Variants in IMPG2 observed in about 807,000 individuals in gnomAD.
IMPG2 encodes the protein interphotoreceptor matrix proteoglycan 2.
In IMPG2, 91 loss-of-function variants were observed where a neutral mutation model predicts 129.2. That is an observed-to-expected ratio of 0.70 (90% CI 0.59 to 0.84). The LOEUF is 0.84. Among genes scored for constraint, IMPG2 ranks in the 40% least tolerant of loss-of-function variants. The pLI, the probability that IMPG2 is intolerant of heterozygous loss-of-function variation, is 0.00. For synonymous variants in IMPG2, 510 were observed against 517.7 expected, an observed-to-expected ratio of 0.99 and a Z score of 0.20; for missense variants, 1,430 against 1,461.7, an observed-to-expected ratio of 0.98 and a Z score of 0.35.
intron 2 of IMPG2, among the ~76,000 whole-genome samples, chr3:101,312,401 T>A (rs536409355): frequency 2.4e-4 from 36 of 152,054 alleles, no homozygotes; most frequent in Non-Finnish European, 4.6e-4. Flanking sequence ...ATACAAATGA[T>A]AAATAAGCAT....
chr3:101,281,196 C>A (rs1488460004), intron 4 of IMPG2, among the ~76,000 whole-genome samples: 1 of 152,110 alleles, frequency 6.6e-6, no homozygotes, highest in Non-Finnish European at 1.5e-5. Flanking sequence ...GGGATGTAAC[C>A]GTAAAACCAG....
At chr3:101,288,122 A>G (rs1470178577) in intron 4 of IMPG2, among the ~76,000 whole-genome samples, 2 of 152,210 alleles carry the variant, frequency 1.3e-5, no homozygotes, top group African/African-American at 4.8e-5. Flanking sequence ...TGAGGTCAAT[A>G]TATGAAAAAA....
intron 4 of IMPG2, among the ~76,000 whole-genome samples, chr3:101,284,880 A>G (rs1331984477): frequency 1.3e-5 from 2 of 151,908 alleles, no homozygotes; most frequent in African/African-American, 4.8e-5. Context: ...ACAAAACTGT[A>G]AAAAAAATAG....
intron 3 of IMPG2, among the ~76,000 whole-genome samples, chr3:101,294,552 T>C (rs989869790): frequency 6.6e-6 from 1 of 152,248 alleles, no homozygotes; most frequent in African/African-American, 2.4e-5. Context: ...GCAATAAACA[T>C]ACATGTGCAT....
chr3:101,304,044 G>T, intron 3 of IMPG2, 102 bp downstream of exon 3: 2 of 1,223,468 alleles, frequency 1.6e-6, no homozygotes, highest in Non-Finnish European at 2.4e-6. Flanking sequence ...CAACAAAAGA[G>T]TAATACAGGC....
At chr3:101,237,762 G>A (rs1395983193) in intron 14 of IMPG2, among the ~76,000 whole-genome samples, 1 of 152,046 alleles carries the variant, frequency 6.6e-6, no homozygotes, top group African/African-American at 2.4e-5. Context: ...TGAAGATGAG[G>A]AAAAACCAGC....
In IMPG2 at chr3:101,232,923, T is replaced by G; in HGVS notation, c.3091A>C (p.Ser1031Arg). Residue 1031 changes from serine to arginine, a missense_variant, in exon 15 of 19, where the codon AGT becomes CGT. By Grantham distance (110) the Ser-to-Arg change is moderately radical. Transcript: ENST00000193391. ...AAGCATCTGCACTTTGCTTCTCCAC[T>G]CCAGGGGTTGACCAGACACTCTGAA... The part of the protein sequence containing the change: ...EFSECLVNPW[S>R]GEAKCRCFPG... 1.2e-6 allele frequency: 2 copies of G among 1,613,976 alleles called. No individual in the cohort carries two copies. Among genetic ancestry groups the G allele is most frequent in the Non-Finnish European group, 1.7e-6 (2 of 1,179,996 alleles).
At chr3:101,252,942 G>A (rs1313524729) in intron 11 of IMPG2, among the ~76,000 whole-genome samples, 1 of 152,178 alleles carries the variant, frequency 6.6e-6, no homozygotes, top group Admixed American at 6.6e-5. Flanking sequence ...GTTTGTATAT[G>A]ATAACAAAAG....
At chr3:101,286,330 CT>C (rs2107122272) in intron 4 of IMPG2, among the ~76,000 whole-genome samples, 1 of 152,144 alleles carries the variant, frequency 6.6e-6, no homozygotes, top group Non-Finnish European at 1.5e-5. Context: ...GAGTAAGAAG[CT>C]TTTTACAATA....
chr3:101,317,990 G>T (rs1212775606), intron 2 of IMPG2, among the ~76,000 whole-genome samples: 3 of 151,636 alleles, frequency 2.0e-5, no homozygotes, highest in Non-Finnish European at 4.4e-5. Context: ...AAAAAAACTA[G>T]CTGGGCATGG....
intron 4 of IMPG2, among the ~76,000 whole-genome samples, chr3:101,287,740 T>C (rs543461554): frequency 1.3e-3 from 191 of 152,190 alleles, no homozygotes; most frequent in African/African-American, 4.2e-3. Flanking sequence ...CAAAATTAAC[T>C]AAAAATTGAT....
At chr3:101,294,082 T>TATTTACTTTTAC (rs1284065730) in intron 3 of IMPG2, among the ~76,000 whole-genome samples, 3 of 152,208 alleles carry the variant, frequency 2.0e-5, no homozygotes, top group Admixed American at 2.0e-4. Flanking sequence ...TTTATTTATT[T>TATTTACTTTTAC]ATTTACTTTT....
chr3:101,269,608 A>G, intron 7 of IMPG2, 35 bp from the exon 8 acceptor site: 1 of 1,085,102 alleles, frequency 9.2e-7, no homozygotes, highest in Non-Finnish European at 1.4e-6. Context: ...ATAACTATGT[A>G]AAAATATGGA....
intron 9 of IMPG2, among the ~76,000 whole-genome samples, chr3:101,259,632 C>T (rs538587042): frequency 5.9e-5 from 9 of 151,334 alleles, no homozygotes; most frequent in Admixed American, 1.3e-4. Context: ...AAGGTATTTA[C>T]ATATCTAAAG....
In IMPG2 at chr3:101,253,748, A is replaced by G. The variant is rs773850021; in HGVS notation, c.1187T>C (p.Leu396Pro). The G allele has an allele frequency of 9.3e-6, 15 of 1,611,692 alleles. No homozygotes were observed. In the East Asian group the frequency reaches 3.3e-4, roughly 36 times the overall value. ...RGVLRHQTED[L>P]VWNTQSSSLQ... The stretch of plus-strand genomic sequence containing the variant: ...ACTTGAACTTTGGGTGTTCCAAACT[A>G]GATCTTCAGTTTGGTGACGCAAAAC... Residue 396 changes from leucine (L) to proline (P), a missense_variant, in exon 11 of 19, where the codon CTA (leucine) becomes CCA (proline). Transcript: ENST00000193391.
At position 101,224,050 on chromosome 3, in the gene IMPG2, C is replaced by G. The variant is rs1706194351; in HGVS notation, c.*2919G>C. 1 of 152,184 alleles carries G rather than the reference C, an allele frequency of 6.6e-6. No individual in the cohort carries two copies. Among genetic ancestry groups the G allele is most frequent in the South Asian group, 2.1e-4 (1 of 4,818 alleles). 9.4% of individuals were successfully genotyped at this position (152,184 alleles called of 1,614,324 possible). On this transcript the variant is annotated 3_prime_UTR_variant, in exon 19 of 19. Transcript: ENST00000193391. ...ACCCCAGCTACTCAGGAAGCTGAAG[C>G]ACGAGAATCGCTTGAACCCAGGAGG...
chr3:101,271,584 G>A (rs533366933), intron 7 of IMPG2, among the ~76,000 whole-genome samples: 1 of 152,222 alleles, frequency 6.6e-6, no homozygotes, highest in South Asian at 2.1e-4. Context: ...ACTTGGCCAA[G>A]GTCACACATT....
chr3:101,290,174 CA>C (rs1706990205), intron 4 of IMPG2, among the ~76,000 whole-genome samples: 3 of 151,992 alleles, frequency 2.0e-5, no homozygotes, highest in Non-Finnish European at 2.9e-5. Flanking sequence ...ATGGCAATCA[CA>C]AGGAATCTCT....
intron 4 of IMPG2, among the ~76,000 whole-genome samples, chr3:101,280,554 G>A (rs181258038): frequency 3.9e-5 from 6 of 152,246 alleles, no homozygotes; most frequent in East Asian, 1.9e-4. Context: ...ATATGCAGAA[G>A]CATCAGAAAA....
Sources: gnomAD v4.1 joint callset for allele counts (sites outside exome capture counted in the v4.1 genomes callset) on GRCh38, gnomAD v4.1.1 for gene constraint, MANE v1.5 for transcripts, NCBI Gene and HGNC (gene_info 2026-07-23, HGNC 2026-07-21) for gene names.